ARHGEF28: variants seen among roughly 807,000 people sequenced by gnomAD.
ARHGEF28 encodes the protein Rho guanine nucleotide exchange factor 28.
ARHGEF28 carries 152 observed loss-of-function variants against 206.6 expected under a neutral mutation model. The ratio of observed to expected loss-of-function variants is 0.74; its 90% confidence interval spans 0.64 to 0.84. ARHGEF28 has a LOEUF of 0.84. Among genes scored for constraint, ARHGEF28 ranks in the 40% least tolerant of loss-of-function variants. ARHGEF28 has a pLI of 0.00. For synonymous variants in ARHGEF28, 763 were observed against 776.4 expected, an observed-to-expected ratio of 0.98 and a Z score of 0.29; for missense variants, 2,028 against 2,073.2, an observed-to-expected ratio of 0.98 and a Z score of 0.42.
At chr5:73,815,000 A>G (rs1475606195) in intron 9 of ARHGEF28, among the ~76,000 whole-genome samples, 1 of 152,148 alleles carries the variant, frequency 6.6e-6, no homozygotes, top group African/African-American at 2.4e-5. Flanking sequence ...AAGACATTAA[A>G]ATTAATGTTT....
chr5:73,914,139 C>T (rs867732928), intron 35 of ARHGEF28, among the ~76,000 whole-genome samples: 2 of 152,124 alleles, frequency 1.3e-5, no homozygotes, highest in East Asian at 1.9e-4. Flanking sequence ...TCTACCCCCA[C>T]CCCTGCCACC....
chr5:73,740,638 C>A (rs910334681), intron 2 of ARHGEF28, among the ~76,000 whole-genome samples: 1 of 152,186 alleles, frequency 6.6e-6, no homozygotes, highest in Non-Finnish European at 1.5e-5. Context: ...GTCGTCTCTT[C>A]TTTAGCAAAA....
chr5:73,685,928 G>T (rs943052581), intron 2 of ARHGEF28, among the ~76,000 whole-genome samples: 4 of 152,110 alleles, frequency 2.6e-5, no homozygotes, highest in African/African-American at 9.7e-5. Context: ...GCTGGAATTG[G>T]AACAAATTTA....
At chr5:73,713,812 A>C (rs1480060413) in intron 2 of ARHGEF28, among the ~76,000 whole-genome samples, 7 of 152,218 alleles carry the variant, frequency 4.6e-5, no homozygotes, top group Non-Finnish European at 1.0e-4. Flanking sequence ...CTAACAATAT[A>C]TACAGCTTCT....
chr5:73,778,350 C>G (rs1753652478), intron 6 of ARHGEF28: 1 of 152,160 alleles, frequency 6.6e-6, no homozygotes, highest in Non-Finnish European at 1.5e-5. Context: ...TGTGATTTCT[C>G]ATATACATTT....
chr5:73,719,272 A>G (rs1191546007), intron 2 of ARHGEF28, among the ~76,000 whole-genome samples: 10 of 152,130 alleles, frequency 6.6e-5, no homozygotes, highest in African/African-American at 2.2e-4. Context: ...TTAGCTGGGC[A>G]TGGTGGCAGG....
At chr5:73,706,182 G>A (rs1342125812) in intron 2 of ARHGEF28, among the ~76,000 whole-genome samples, 2 of 152,198 alleles carry the variant, frequency 1.3e-5, no homozygotes, top group African/African-American at 4.8e-5. Context: ...ACAAAGTCTA[G>A]TTTGTTGTCC....
At chr5:73,632,690 T>A (rs1231060090) in intron 1 of ARHGEF28, among the ~76,000 whole-genome samples, 1 of 152,218 alleles carries the variant, frequency 6.6e-6, no homozygotes, top group Non-Finnish European at 1.5e-5. Context: ...TCTTCAGCCC[T>A]TGTTAAGTGA....
chr5:73,762,728 A>T (rs534732787), intron 4 of ARHGEF28, among the ~76,000 whole-genome samples: 1 of 151,988 alleles, frequency 6.6e-6, no homozygotes, highest in Non-Finnish European at 1.5e-5. Flanking sequence ...TTTTTCCTTG[A>T]CAAGTACATG....
chr5:73,861,078 G>A (rs1264759705), intron 16 of ARHGEF28, among the ~76,000 whole-genome samples: 1 of 152,108 alleles, frequency 6.6e-6, no homozygotes, highest in Non-Finnish European at 1.5e-5. Context: ...TTTAAAATTG[G>A]ATTATTTACA....
chr5:73,852,537 T>C, intron 13 of ARHGEF28, 113 bp from the exon 14 acceptor site: 2 of 881,042 alleles, frequency 2.3e-6, no homozygotes. Flanking sequence ...CTCATTATTT[T>C]CTAGCTGGTA....
chr5:73,675,423 A>G (rs1373131475), intron 1 of ARHGEF28, among the ~76,000 whole-genome samples: 2 of 152,140 alleles, frequency 1.3e-5, no homozygotes, highest in African/African-American at 4.8e-5. Flanking sequence ...CCATTGTGTG[A>G]AAATGAAAAT....
At chr5:73,762,001 T>TTTTTC (rs2112423822) in intron 4 of ARHGEF28, among the ~76,000 whole-genome samples, 1 of 151,538 alleles carries the variant, frequency 6.6e-6, no homozygotes, top group African/African-American at 2.4e-5. Flanking sequence ...TGGGTAATTT[T>TTTTTC]TTTTTTTTTT....
At chr5:73,885,494 C>G (rs372246502) in intron 24 of ARHGEF28, among the ~76,000 whole-genome samples, 3 of 128,254 alleles carry the variant, frequency 2.3e-5, no homozygotes, top group African/African-American at 9.2e-5. Context: ...TTTTTTTCTT[C>G]GAGACAGAGT....
At chr5:73,671,695 TA>T (rs1189247830) in intron 1 of ARHGEF28, among the ~76,000 whole-genome samples, 4 of 11,246 alleles carry the variant, frequency 3.6e-4, no homozygotes, top group East Asian at 0.011. Flanking sequence ...TGAACTTGAT[TA>T]TATATATATA....
chr5:73,843,015 G>C (rs922060467), intron 11 of ARHGEF28, among the ~76,000 whole-genome samples: 1 of 151,482 alleles, frequency 6.6e-6, no homozygotes, highest in African/African-American at 2.4e-5. Flanking sequence ...AAGTCTGTCA[G>C]GTGTGTGAGC....
rs1276353853 is a variant in ARHGEF28 at position 73,937,574 on chromosome 5, A to C, written c.4949-3270A>C. Among the ~76,000 whole-genome samples the C allele has an allele frequency of 2.0e-5, 3 of 152,212 alleles. No individual in the cohort carries two copies. The East Asian group carries it at 5.8e-4, about 29-fold the overall frequency. Reference sequence around the variant, plus strand: ...TTTTTTGTAGTTTGAGTTTTGTTTCATTATAATAATATTCGTTTTTAGTTG... The same window carrying C: ...TTTTTTGTAGTTTGAGTTTTGTTTCCTTATAATAATATTCGTTTTTAGTTG... On this transcript the variant is annotated intron_variant, in intron 35 of 35. Coordinates refer to ENST00000513042, the MANE Select transcript of ARHGEF28 (RefSeq NM_001177693.2).
chr5:73,729,748 T>G (rs1362463428), intron 2 of ARHGEF28, among the ~76,000 whole-genome samples: 1 of 152,220 alleles, frequency 6.6e-6, no homozygotes, highest in Non-Finnish European at 1.5e-5. Flanking sequence ...CTAATTTTAC[T>G]CAAATTGTAT....
At chr5:73,755,751 A>G (rs1752273636) in intron 4 of ARHGEF28, among the ~76,000 whole-genome samples, 1 of 152,142 alleles carries the variant, frequency 6.6e-6, no homozygotes, top group Non-Finnish European at 1.5e-5. Flanking sequence ...AAGTTTGGAG[A>G]ACGCTTGACA....
Sources: allele counts gnomAD v4.1 joint callset (sites outside exome capture counted in the v4.1 genomes callset), GRCh38; gene constraint gnomAD v4.1.1; transcripts MANE v1.5; gene names NCBI Gene and HGNC (gene_info 2026-07-23, HGNC 2026-07-21).